TMEM266: variants seen among roughly 807,000 people sequenced by gnomAD.
TMEM266 encodes transmembrane protein 266, also known as Hv1 related protein 1.
TMEM266 carries 33 observed loss-of-function variants against 50.5 expected under a neutral mutation model. That is an observed-to-expected ratio of 0.65 (90% CI 0.50 to 0.87). The LOEUF (loss-of-function observed/expected upper bound fraction) is 0.87, where lower values mean the gene tolerates loss of function less well. Among genes scored for constraint, TMEM266 ranks in the 40% least tolerant of loss-of-function variants. TMEM266 has a pLI of 0.00. For missense variants in TMEM266, 655 were observed against 695.1 expected (o/e 0.94, Z 0.65); for synonymous variants, 310 against 292.3 (o/e 1.06, Z -0.62).
intron 2 of TMEM266, among the ~76,000 whole-genome samples, chr15:76,136,731 A>G (rs1415280260): frequency 6.6e-6 from 1 of 152,222 alleles, no homozygotes; most frequent in Non-Finnish European, 1.5e-5. Context: ...ATGGTGCCCC[A>G]GGAAGCTAAG....
At chr15:76,087,154 G>C (rs1219453607) in intron 1 of TMEM266, among the ~76,000 whole-genome samples, 1 of 152,052 alleles carries the variant, frequency 6.6e-6, no homozygotes, top group Non-Finnish European at 1.5e-5. Flanking sequence ...TATAAATTGT[G>C]CATCTTTTTT....
chr15:76,129,440 G>A (rs766077736), intron 1 of TMEM266, among the ~76,000 whole-genome samples: 1 of 152,028 alleles, frequency 6.6e-6, no homozygotes, highest in African/African-American at 2.4e-5. Context: ...TAGGGGGTTC[G>A]AGACTAGCCT....
chr15:76,104,731 T>C (rs1229539355), intron 1 of TMEM266, among the ~76,000 whole-genome samples: 1 of 151,998 alleles, frequency 6.6e-6, no homozygotes, highest in Admixed American at 6.6e-5. Context: ...AACAGAGGCG[T>C]TGGATGTGTG....
rs368038771 is a variant in TMEM266, at chr15:76,204,062, C to T, written c.1343C>T (p.Ser448Leu). The T allele has an allele frequency of 1.1e-4, 184 of 1,612,258 alleles. 1 individual carries two copies. The Middle Eastern group carries it at 1.7e-3, about 15-fold the overall frequency. The change falls in exon 11 of 11, where the codon TCG (serine) becomes TTG (leucine). Residue 448 changes from serine to leucine, a missense_variant. By Grantham distance (145) the Ser-to-Leu change is moderately radical. Coordinates refer to ENST00000388942, the MANE Select transcript of TMEM266 (RefSeq NM_152335.3). ...GTCCAGGACCTGCTGTCCTCCCTGT[C>T]GGAGGACCCCTGCCCTTCCCAGAAG... is the stretch of plus-strand genomic sequence containing the variant.
Position 76,161,619 on chromosome 15 carries a change from C to T in TMEM266, c.456+1451C>T, listed in dbSNP as rs1035244767. Among the ~76,000 whole-genome samples the T allele has an allele frequency of 7.2e-5, 11 of 152,170 alleles. No homozygotes were observed. The highest frequency in any genetic ancestry group is 1.3e-4 in the Non-Finnish European group (9 of 68,026). ...CCTGGGCCTCGCCTCCTACAGCCCA[C>T]GGAGCTGGCTGGTGAGCCTGGGCCT... On this transcript the variant is annotated intron_variant, in intron 5 of 10. Transcript: ENST00000388942. This position sits in a 1 kb window ranked among gnomAD's most constrained non-coding sequence, Gnocchi z 4.1.
intron 3 of TMEM266, among the ~76,000 whole-genome samples, chr15:76,148,760 C>T (rs2037795405): frequency 8.0e-6 from 1 of 125,520 alleles, no homozygotes; most frequent in South Asian, 2.9e-4. Flanking sequence ...CCATACCCTA[C>T]TGTTTCCCAG....
chr15:76,174,034 C>A (rs978613516), intron 7 of TMEM266, among the ~76,000 whole-genome samples: 8 of 152,030 alleles, frequency 5.3e-5, no homozygotes, highest in African/African-American at 1.9e-4. Flanking sequence ...AGAGCCCAGG[C>A]TCCTTCTGTT....
At chr15:76,191,896 G>A (rs2038577833) in intron 8 of TMEM266, 72 bp from the exon 9 acceptor site, 3 of 1,382,496 alleles carry the variant, frequency 2.2e-6, no homozygotes, top group African/African-American at 3.1e-5. Context: ...GGAGCAAAGC[G>A]CCCAGAGGTC....
chr15:76,157,590 C>T (rs1316269725), intron 4 of TMEM266, among the ~76,000 whole-genome samples: 2 of 152,218 alleles, frequency 1.3e-5, no homozygotes, highest in Non-Finnish European at 2.9e-5. Flanking sequence ...GGGGCAGGAG[C>T]AGGTGTCTTG....
rs971145002 is a variant in TMEM266 at position 76,137,885 on chromosome 15, C to G, written c.217C>G (p.Gln73Glu). Residue 73 changes from glutamine (Q) to glutamate (E), a missense_variant, in exon 3 of 11, where the codon CAA becomes GAA. Coordinates refer to ENST00000388942, the MANE Select transcript of TMEM266 (RefSeq NM_152335.3). ...CCTGTCAAATCTGGACGAAGATTAC[C>G]AAAGAGAAGGGTAGGTGCTGGGACC... The G allele has an allele frequency of 6.3e-7, 1 of 1,582,040 alleles. No homozygotes were observed. The highest frequency in any genetic ancestry group is 8.6e-7 in the Non-Finnish European group (1 of 1,164,810).
chr15:76,140,677 C>T lies in TMEM266; in HGVS notation c.227+2782C>T, dbSNP rs78815538. 7.5e-3 allele frequency among the ~76,000 whole-genome samples: 1,148 copies of T among 152,204 alleles called. 23 individuals are homozygous for T. The highest frequency in any genetic ancestry group is 0.027 in the African/African-American group (1,103 of 41,494). On this transcript the variant is annotated intron_variant, in intron 3 of 10. Transcript: ENST00000388942. The stretch of plus-strand genomic sequence containing the variant: ...CTGGAAGAGACCTAAACACATCCAT[C>T]CTAAACCTTCTCAAAGGCAGCAGGG...
At chr15:76,150,940 G>C (rs2037832342) in intron 3 of TMEM266, among the ~76,000 whole-genome samples, 1 of 152,170 alleles carries the variant, frequency 6.6e-6, no homozygotes, top group Admixed American at 6.5e-5. Flanking sequence ...AAGGTACTCA[G>C]CCTCCCCTCC....
At chr15:76,084,335 G>T (rs1015277295) in intron 1 of TMEM266, among the ~76,000 whole-genome samples, 1 of 152,110 alleles carries the variant, frequency 6.6e-6, no homozygotes, top group Middle Eastern at 3.4e-3. Context: ...GAAAATAAAA[G>T]AAAAAGAAAG....
Position 76,071,920 on chromosome 15 carries a change from T to A in TMEM266, c.-97+11904T>A, listed in dbSNP as rs189769658. Among the ~76,000 whole-genome samples the A allele has an allele frequency of 2.2e-3, 328 of 151,974 alleles. 2 individuals are homozygous for A. Among genetic ancestry groups the A allele is most frequent in the African/African-American group, 7.5e-3 (312 of 41,446 alleles). ...GACCAGATTCGGCATTTTTTTTTTT[T>A]AAACACCTGAAAATTAACCTTAATT... On this transcript the variant is annotated intron_variant, in intron 1 of 10. Transcript: ENST00000388942.
chr15:76,120,361 A>G (rs1390110380), intron 1 of TMEM266, among the ~76,000 whole-genome samples: 1 of 152,212 alleles, frequency 6.6e-6, no homozygotes, highest in Non-Finnish European at 1.5e-5. Context: ...GATTTCTACA[A>G]GATATTGTCA....
At chr15:76,169,377 A>G (rs1477889847) in intron 5 of TMEM266, among the ~76,000 whole-genome samples, 2 of 152,152 alleles carry the variant, frequency 1.3e-5, no homozygotes, top group African/African-American at 4.8e-5. Context: ...TTTTTGCCAC[A>G]TGCAAAGACA....
intron 1 of TMEM266, among the ~76,000 whole-genome samples, chr15:76,109,630 C>T (rs998974428): frequency 1.3e-5 from 2 of 152,040 alleles, no homozygotes; most frequent in African/African-American, 4.8e-5. Flanking sequence ...CTCTGCACTC[C>T]AGCCTGGGTG....
intron 10 of TMEM266, 118 bp downstream of exon 10, chr15:76,202,382 G>A: frequency 1.2e-6 from 1 of 855,942 alleles, no homozygotes; most frequent in African/African-American, 1.7e-5. Flanking sequence ...AACCATAACT[G>A]CAGGCAGTGC....
chr15:76,066,640 T>TAAA (rs111952608), intron 1 of TMEM266, among the ~76,000 whole-genome samples: 1 of 136,354 alleles, frequency 7.3e-6, no homozygotes. Context: ...GCTGCCTACT[T>TAAA]AAAAAAAAAA....
Sources: gnomAD v4.1 joint callset for allele counts (sites outside exome capture counted in the v4.1 genomes callset) on GRCh38, gnomAD v4.1.1 for gene constraint, Gnocchi (gnomAD v3.1) non-coding constraint, MANE v1.5 for transcripts, NCBI Gene and HGNC (gene_info 2026-07-23, HGNC 2026-07-21) for gene names.